Variants in RBPJ observed in about 807,000 individuals in gnomAD.
The protein encoded by RBPJ is recombination signal binding protein for immunoglobulin kappa J region.
RBPJ carries 9 observed loss-of-function variants against 67.8 expected under a neutral mutation model. That is an observed-to-expected ratio of 0.13 (90% confidence interval 0.08 to 0.23). The LOEUF (loss-of-function observed/expected upper bound fraction) is 0.23. Among genes scored for constraint, RBPJ ranks in the 10% least tolerant of loss-of-function variants. The pLI, the probability that RBPJ is intolerant of heterozygous loss-of-function variation, is 1.00. For synonymous variants in RBPJ, 198 were observed against 203.3 expected, an observed-to-expected ratio of 0.97 and a Z score of 0.22; for missense variants, 305 against 595.6, an observed-to-expected ratio of 0.51 and a Z score of 5.08.
At chr4:26,360,731 G>A (rs1014388330) in intron 1 of RBPJ, among the ~76,000 whole-genome samples, 6 of 151,434 alleles carry the variant, frequency 4.0e-5, no homozygotes, top group African/African-American at 9.7e-5. Flanking sequence ...ACAGGTGCGC[G>A]TCACTATGAC....
intron 1 of RBPJ, among the ~76,000 whole-genome samples, chr4:26,262,142 G>A (rs999205167): frequency 1.3e-5 from 2 of 151,812 alleles, no homozygotes; most frequent in African/African-American, 4.8e-5. Context: ...ATGGGGTTTT[G>A]CCATGTTGCC....
chr4:26,318,182 G>A (rs1028882969), upstream of RBPJ, among the ~76,000 whole-genome samples: 2 of 151,936 alleles, frequency 1.3e-5, no homozygotes. Flanking sequence ...TTAAAAACCA[G>A]GGTTTCCTAT....
chr4:26,185,003 G>A (rs954075162), intron 1 of RBPJ, among the ~76,000 whole-genome samples: 6 of 152,000 alleles, frequency 3.9e-5, no homozygotes, highest in East Asian at 1.9e-4. Flanking sequence ...TTAGCTGGGT[G>A]TGGCATCAGG....
intron 1 of RBPJ, among the ~76,000 whole-genome samples, chr4:26,310,729 G>A (rs1281766749): frequency 6.7e-6 from 1 of 149,198 alleles, no homozygotes; most frequent in Non-Finnish European, 1.5e-5. Context: ...GAGCGCAATG[G>A]CACGATCTTG....
At chr4:26,244,377 A>G (rs36140681) in intron 1 of RBPJ, among the ~76,000 whole-genome samples, 2 of 5,426 alleles carry the variant, frequency 3.7e-4, no homozygotes, top group South Asian at 7.8e-3. Flanking sequence ...ATATGTGTAC[A>G]CGTGTGTGTA....
At chr4:26,316,675 T>TATTGATATATATATATACACAC (rs1560258783), upstream of RBPJ, among the ~76,000 whole-genome samples, 1 of 99,920 alleles carries the variant, frequency 1.0e-5, no homozygotes, top group African/African-American at 7.7e-5. Flanking sequence ...TATATACACA[T>TATTGATATATATATATACACAC]ATATATATAT....
the RBPJ span, among the ~76,000 whole-genome samples, chr4:26,107,250 T>A: frequency 3.1e-4 from 47 of 152,352 alleles, no homozygotes; most frequent in Middle Eastern, 3.4e-3. Flanking sequence ...TAGTCTCAAG[T>A]GCCCATCCCA....
At chr4:26,225,134 A>G (rs942176230) in intron 1 of RBPJ, among the ~76,000 whole-genome samples, 11 of 152,224 alleles carry the variant, frequency 7.2e-5, no homozygotes, top group Non-Finnish European at 2.9e-5. Context: ...CCTATCGGGA[A>G]CCAAAATTTT....
intron 1 of RBPJ, among the ~76,000 whole-genome samples, chr4:26,256,982 A>G (rs1720362685): frequency 6.6e-6 from 1 of 152,194 alleles, no homozygotes; most frequent in Non-Finnish European, 1.5e-5. Flanking sequence ...GCAGCTTTCA[A>G]TCATATGTGC....
At chr4:26,360,501 CA>C (rs1254870203) in intron 1 of RBPJ, among the ~76,000 whole-genome samples, 1 of 151,416 alleles carries the variant, frequency 6.6e-6, no homozygotes, top group African/African-American at 2.4e-5. Flanking sequence ...AGATGAAAGA[CA>C]AAAGTTATAC....
At chr4:26,316,268 T>C (rs576139077), upstream of RBPJ, among the ~76,000 whole-genome samples, 4 of 148,520 alleles carry the variant, frequency 2.7e-5, no homozygotes, top group South Asian at 8.4e-4. Flanking sequence ...TATATATTCA[T>C]ATATATACAC....
At chr4:26,106,726 A>G in the RBPJ span, among the ~76,000 whole-genome samples, 17 of 152,200 alleles carry the variant, frequency 1.1e-4, no homozygotes, top group African/African-American at 4.1e-4. Flanking sequence ...GTCACTGAAT[A>G]CCCCTTAATC....
intron 1 of RBPJ, among the ~76,000 whole-genome samples, chr4:26,299,766 C>A (rs1358602698): frequency 6.7e-6 from 1 of 149,916 alleles, no homozygotes; most frequent in Non-Finnish European, 1.5e-5. Flanking sequence ...GCAACCTCTG[C>A]CTCCTGGGTT....
At chr4:26,318,044 A>G (rs780958130), upstream of RBPJ, among the ~76,000 whole-genome samples, 8 of 152,240 alleles carry the variant, frequency 5.3e-5, no homozygotes, top group Middle Eastern at 3.4e-3. Context: ...TCCAAGCCAG[A>G]CTTGCACTGA....
intron 1 of RBPJ, among the ~76,000 whole-genome samples, chr4:26,204,194 C>A (rs1338651974): frequency 6.6e-6 from 1 of 152,142 alleles, no homozygotes; most frequent in Non-Finnish European, 1.5e-5. Context: ...GTGATCCTTC[C>A]GCCTTGGCCT....
the RBPJ span, among the ~76,000 whole-genome samples, chr4:26,124,482 G>A: frequency 6.7e-5 from 8 of 118,992 alleles, no homozygotes; most frequent in South Asian, 8.7e-4. Flanking sequence ...TTATCCACTC[G>A]TTGATTAATG....
chr4:26,137,579 C>T, the RBPJ span, among the ~76,000 whole-genome samples: 44 of 152,288 alleles, frequency 2.9e-4, no homozygotes, highest in African/African-American at 1.1e-3. Flanking sequence ...GGCCACCGTA[C>T]CTCTCCGAGC....
chr4:26,115,006 GTATGGTGAAAA>G, the RBPJ span, among the ~76,000 whole-genome samples: 1 of 152,110 alleles, frequency 6.6e-6, no homozygotes, highest in Non-Finnish European at 1.5e-5. Flanking sequence ...TATTGCCTCT[GTATGGTGAAAA>G]TACTATCCAC....
chr4:26,394,225 C>T (rs1433600470), intron 2 of RBPJ, among the ~76,000 whole-genome samples: 1 of 152,124 alleles, frequency 6.6e-6, no homozygotes, highest in African/African-American at 2.4e-5. Context: ...GACGGGGTTT[C>T]ACCGTGTTAG....
Sources: gnomAD v4.1 joint callset for allele counts (sites outside exome capture counted in the v4.1 genomes callset) on GRCh38, gnomAD v4.1.1 for gene constraint, MANE v1.5 for transcripts, NCBI Gene and HGNC (gene_info 2026-07-23, HGNC 2026-07-21) for gene names.